Variants in PIP5K1C observed in about 807,000 individuals in gnomAD.
PIP5K1C encodes the protein phosphatidylinositol 4-phosphate 5-kinase type-1 gamma.
Under a neutral mutation model 80.1 loss-of-function variants are expected in PIP5K1C, and 45 were observed. That is an observed-to-expected ratio of 0.56 (90% CI 0.44 to 0.72). The LOEUF (loss-of-function observed/expected upper bound fraction) is 0.72. Among genes scored for constraint, PIP5K1C ranks in the 30% least tolerant of loss-of-function variants. The pLI is 0.00. For missense variants in PIP5K1C, 753 were observed against 954.6 expected (o/e 0.79, Z 2.78); for synonymous variants, 498 against 420.1 (o/e 1.19, Z -2.27).
chr19:3,656,274 C>G, intron 6 of PIP5K1C, 131 bp downstream of exon 6: 1 of 989,726 alleles, frequency 1.0e-6, no homozygotes, highest in African/African-American at 1.6e-5. Context: ...GGTGAGTCCC[C>G]GGGACCCAAG....
At chr19:3,644,586 G>A (rs10413965) in intron 11 of PIP5K1C, among the ~76,000 whole-genome samples, 15,898 of 152,214 alleles carry the variant, frequency 0.1, 1,380 homozygotes, top group African/African-American at 0.23. Context: ...CCTTCTATGT[G>A]CGGCCCAGCC....
chr19:3,691,018 C>T (rs537995823), intron 1 of PIP5K1C, among the ~76,000 whole-genome samples: 11 of 152,150 alleles, frequency 7.2e-5, no homozygotes, highest in South Asian at 2.1e-4. Flanking sequence ...AGGTGACCGT[C>T]GGGAGGAGTG....
chr19:3,655,220 C>A (rs1245941268), intron 6 of PIP5K1C, among the ~76,000 whole-genome samples: 1 of 151,710 alleles, frequency 6.6e-6, no homozygotes, highest in Admixed American at 6.6e-5. Context: ...AAATCGAGAC[C>A]ATCCTGGCTA....
rs570987776 is a variant in PIP5K1C at position 3,685,657 on chromosome 19, G to A, written c.94+14640C>T. Among the ~76,000 whole-genome samples the A allele has an allele frequency of 2.1e-3, 318 of 152,106 alleles. 2 individuals are homozygous for A. The highest frequency in any genetic ancestry group is 7.2e-3 in the African/African-American group (298 of 41,508). On this transcript the variant is annotated intron_variant, in intron 1 of 17. Transcript: ENST00000335312. ...AGGCAGGAGAATGGCGTGAACCCGG[G>A]AGGCGGAGCTTGCAGTGAGCTGAGA... is the stretch of plus-strand genomic sequence containing the variant.
chr19:3,642,103 C>T (rs998758383), intron 14 of PIP5K1C, among the ~76,000 whole-genome samples: 1 of 152,178 alleles, frequency 6.6e-6, no homozygotes, highest in Non-Finnish European at 1.5e-5. Flanking sequence ...AGTGCCTGCA[C>T]CTGGCAGCCG....
At chr19:3,638,548 C>T (rs879538378) in intron 16 of PIP5K1C, among the ~76,000 whole-genome samples, 8 of 152,340 alleles carry the variant, frequency 5.3e-5, no homozygotes, top group Non-Finnish European at 7.3e-5. Context: ...GGACTCCGGA[C>T]GACTTCCAGG....
intron 1 of PIP5K1C, among the ~76,000 whole-genome samples, chr19:3,697,631 T>C (rs1167760978): frequency 6.6e-6 from 1 of 152,018 alleles, no homozygotes; most frequent in East Asian, 1.9e-4. Context: ...AGATCAGCCG[T>C]GGAAGTGGGG....
Position 3,696,256 on chromosome 19 carries a change from G to A in PIP5K1C, c.94+4041C>T, listed in dbSNP as rs1299342400. Among the ~76,000 whole-genome samples, 1 of 152,186 alleles carries A rather than the reference G, an allele frequency of 6.6e-6. No individual in the cohort carries two copies. Among genetic ancestry groups the A allele is most frequent in the East Asian group, 1.9e-4 (1 of 5,186 alleles). Reference sequence around the variant, plus strand: ...CCATTCTACCTTACCCTTCCTCCCTGGCACTGCTGGCCTCATGCACCTGAT... The same window carrying A: ...CCATTCTACCTTACCCTTCCTCCCTAGCACTGCTGGCCTCATGCACCTGAT... On this transcript the variant is annotated intron_variant, in intron 1 of 17. Coordinates refer to ENST00000335312, the MANE Select transcript of PIP5K1C (RefSeq NM_012398.3). The surrounding 1 kb of genome is among the most constrained non-coding windows in gnomAD (Gnocchi z 4.1).
rs1393991253 is a variant in PIP5K1C at position 3,637,616 on chromosome 19, G to A, written c.1920+1268C>T. Reference sequence around the variant, plus strand: ...ATCCAGTACCTCCCATCCGTGAACTGGACGGGGCGGGCCGGGTGGGCCGGA... The same window carrying A: ...ATCCAGTACCTCCCATCCGTGAACTAGACGGGGCGGGCCGGGTGGGCCGGA... On this transcript the variant is annotated intron_variant, in intron 16 of 17. Transcript: ENST00000335312. The surrounding 1 kb of genome is among the most constrained non-coding windows in gnomAD (Gnocchi z 7.0). The A allele has an allele frequency of 2.0e-6, 3 of 1,524,700 alleles. No individual in the cohort carries two copies. The highest frequency in any genetic ancestry group is 2.6e-6 in the Non-Finnish European group (3 of 1,139,818). The allele number at this position is 1,524,700 out of a possible 1,614,324, so 94.4% of individuals were successfully genotyped here.
rs2034322719 is a variant in PIP5K1C at position 3,648,515 on chromosome 19, TG to T, written c.1211+109del. 1 of 419,768 alleles carries T rather than the reference TG, an allele frequency of 2.4e-6. No individual in the cohort carries two copies. Among genetic ancestry groups the T allele is most frequent in the East Asian group, 2.9e-5 (1 of 34,246 alleles). The allele number at this position is 419,768 out of a possible 1,614,324, so 26.0% of individuals were successfully genotyped here. On this transcript the variant is annotated intron_variant, in intron 9 of 17. Transcript: ENST00000335312. The surrounding 1 kb of genome is among the most constrained non-coding windows in gnomAD (Gnocchi z 4.3). Reference sequence around the variant, plus strand: ...GACTGCAGACCCAGGCGCCCACCTGTGGGGCTGCAGACCCGGGCGCCCACCT... The same window carrying T: ...GACTGCAGACCCAGGCGCCCACCTGTGGGCTGCAGACCCGGGCGCCCACCT...
Position 3,659,604 on chromosome 19 carries a change from T to A in PIP5K1C, c.468+1362A>T, listed in dbSNP as rs151173950. Among the ~76,000 whole-genome samples, 692 of 152,138 alleles carry A rather than the reference T, an allele frequency of 4.5e-3. 3 individuals carry two copies. The highest frequency in any genetic ancestry group is 6.2e-3 in the African/African-American group (257 of 41,538). On this transcript the variant is annotated intron_variant, in intron 5 of 17. Coordinates refer to ENST00000335312, the MANE Select transcript of PIP5K1C (RefSeq NM_012398.3). ...CCCCAGCTGTGTTTTCACTCCCCACTGCCCTGCCAAGCTCAGGCAAACGCT... is the reference window on the plus strand; with the variant it reads ...CCCCAGCTGTGTTTTCACTCCCCACAGCCCTGCCAAGCTCAGGCAAACGCT...
chr19:3,633,534 G>A lies in PIP5K1C; in HGVS notation c.1921-14C>T, dbSNP rs766956535. ...CTCATCGGTGGGCTGGCAGGTGGGCGCGCGTGCAGGAGGGCGCGGAAGAGC... is the reference window on the plus strand; with the variant it reads ...CTCATCGGTGGGCTGGCAGGTGGGCACGCGTGCAGGAGGGCGCGGAAGAGC... On this transcript the variant is annotated splice_polypyrimidine_tract_variant and intron_variant, in intron 16 of 17. Transcript: ENST00000335312. The A allele has an allele frequency of 3.2e-5, 48 of 1,484,216 alleles. No homozygotes were observed. Among genetic ancestry groups the A allele is most frequent in the South Asian group, 5.7e-5 (4 of 70,272 alleles). 91.9% of individuals were successfully genotyped at this position (1,484,216 alleles called of 1,614,324 possible).
intron 1 of PIP5K1C, among the ~76,000 whole-genome samples, chr19:3,693,984 G>A (rs1284511777): frequency 5.3e-5 from 8 of 151,410 alleles, no homozygotes; most frequent in South Asian, 2.1e-4. Flanking sequence ...AGGCTGAGGC[G>A]GGCGGATCAC....
rs761143113 is a variant in PIP5K1C at position 3,648,684 on chromosome 19, G to A, written c.1152C>T (p.Asn384=). The change falls in exon 9 of 18, where the codon AAC becomes AAT. Residue 384 remains asparagine (N), a synonymous_variant. Coordinates refer to ENST00000335312, the MANE Select transcript of PIP5K1C (RefSeq NM_012398.3). This position sits in a 1 kb window ranked among gnomAD's most constrained non-coding sequence, Gnocchi z 4.3. ...DDTMGGIPAV[N]GRGERLLLHI... is the part of the protein sequence containing the mutation. ...GCAGCAGCAGCCGCTCCCCGCGGCC[G>A]TTCACAGCGGGGATCCCGCCCATCC... is the stretch of plus-strand genomic sequence containing the variant. 27 of 1,612,970 alleles carry A rather than the reference G, an allele frequency of 1.7e-5. No individual in the cohort carries two copies. Among genetic ancestry groups the A allele is most frequent in the Admixed American group, 3.3e-5 (2 of 60,022 alleles).
chr19:3,639,958 G>A (rs551654957), intron 15 of PIP5K1C, among the ~76,000 whole-genome samples: 2 of 152,178 alleles, frequency 1.3e-5, no homozygotes, highest in Non-Finnish European at 2.9e-5. Context: ...CTGCCATGTC[G>A]GAGGTACAGT....
rs566344236 is a variant in PIP5K1C, at chr19:3,633,050, G to A, written c.*117C>T. On this transcript the variant is annotated 3_prime_UTR_variant, in exon 18 of 18. Coordinates refer to ENST00000335312, the MANE Select transcript of PIP5K1C (RefSeq NM_012398.3). Reference sequence around the variant, plus strand: ...TCCGTGCAGGGGGAGGACGAGGTCCGGTGGGGCGGCGAGGCGGGCATCTCC... The same window carrying A: ...TCCGTGCAGGGGGAGGACGAGGTCCAGTGGGGCGGCGAGGCGGGCATCTCC... 1.2e-3 allele frequency: 798 copies of A among 671,674 alleles called. 4 individuals are homozygous for A. Among genetic ancestry groups the A allele is most frequent in the Admixed American group, 2.1e-3 (101 of 47,266 alleles). The allele number at this position is 671,674 out of a possible 1,614,324, so 41.6% of individuals were successfully genotyped here.
intron 7 of PIP5K1C, among the ~76,000 whole-genome samples, chr19:3,652,618 G>A (rs527682268): frequency 6.6e-6 from 1 of 152,326 alleles, no homozygotes; most frequent in South Asian, 2.1e-4. Flanking sequence ...GTGGGACGGG[G>A]ACGACGGAGC....
rs2034519709 is a variant in PIP5K1C at position 3,653,420 on chromosome 19, C to T, written c.791G>A (p.Ser264Asn). ...LKGSTYKRRA[S>N]KKEKEKSFPT... ...GAAGCTCTTCTCCTTCTCCTTCTTG[C>T]TGGCGCGCCGCTTGTAGGTGGAGCC... is the stretch of plus-strand genomic sequence containing the variant. Residue 264 changes from serine (S) to asparagine (N), a missense_variant, in exon 7 of 18, where the codon AGC (serine) becomes AAC (asparagine). By Grantham distance (46) the Ser-to-Asn change is conservative. This residue lies in a region of PIP5K1C where 105 missense variants were observed against 133.4 expected (regional missense o/e 0.79). Transcript: ENST00000335312. 6.2e-7 allele frequency: 1 copy of T among 1,613,306 alleles called. No homozygotes were observed. The highest frequency in any genetic ancestry group is 1.3e-5 in the African/African-American group (1 of 74,934).
chr19:3,630,932 C>G lies in PIP5K1C; in HGVS notation c.*2235G>C, dbSNP rs920082826. 3.3e-5 allele frequency: 5 copies of G among 152,242 alleles called. No individual in the cohort carries two copies. Among genetic ancestry groups the G allele is most frequent in the African/African-American group, 1.2e-4 (5 of 41,450 alleles). 9.4% of individuals were successfully genotyped at this position (152,242 alleles called of 1,614,324 possible). ...AATATTATAAATAGGTCTTGCCGTC[C>G]TCCTGCCCCCGCCCCTCGGCACAGT... On this transcript the variant is annotated 3_prime_UTR_variant, in exon 18 of 18. Transcript: ENST00000335312.
Sources: gnomAD v4.1 joint callset for allele counts (sites outside exome capture counted in the v4.1 genomes callset) on GRCh38, gnomAD v4.1.1 for gene constraint, gnomAD v4.1.1 regional missense constraint, Gnocchi (gnomAD v3.1) non-coding constraint, MANE v1.5 for transcripts, NCBI Gene and HGNC (gene_info 2026-07-23, HGNC 2026-07-21) for gene names.